NT5DC1: variants seen among roughly 807,000 people sequenced by gnomAD.
NT5DC1 encodes 5'-nucleotidase domain containing 1, also known as 5'-nucleotidase domain-containing protein 1.
Under a neutral mutation model 59.4 loss-of-function variants are expected in NT5DC1, and 42 were observed. The observed-to-expected ratio is 0.71, with a 90% CI of 0.55 to 0.92. The LOEUF is 0.92. Ranked by LOEUF, NT5DC1 falls within the 40% of genes least tolerant of loss-of-function variation. The pLI is 0.00. For missense variants in NT5DC1, 501 were observed against 537.1 expected, an observed-to-expected ratio of 0.93 and a Z score of 0.66; for synonymous variants, 172 against 188.1, an observed-to-expected ratio of 0.91 and a Z score of 0.70.
intron 6 of NT5DC1, among the ~76,000 whole-genome samples, chr6:116,152,017 G>A (rs1195104632): frequency 6.6e-6 from 1 of 152,160 alleles, no homozygotes; most frequent in Non-Finnish European, 1.5e-5. Flanking sequence ...TGACTAAGAT[G>A]CAGGATTATA....
At chr6:116,202,455 A>AT (rs1464971019) in intron 6 of NT5DC1, among the ~76,000 whole-genome samples, 1 of 152,000 alleles carries the variant, frequency 6.6e-6, no homozygotes, top group African/African-American at 2.4e-5. Flanking sequence ...CAATGATCCC[A>AT]TATGTTCTTG....
At position 116,141,220 on chromosome 6, in the gene NT5DC1, C is replaced by T. The variant is rs190623651; in HGVS notation, c.529+23275C>T. Among the ~76,000 whole-genome samples, 95 of 150,866 alleles carry T rather than the reference C, an allele frequency of 6.3e-4. No individual in the cohort carries two copies. In the Middle Eastern group the frequency reaches 0.01, roughly 17 times the overall value. On this transcript the variant is annotated intron_variant, in intron 6 of 11. Coordinates refer to ENST00000319550, the MANE Select transcript of NT5DC1 (RefSeq NM_152729.3). ...GTTGATTGGCCATTTGTGTTTACTC[C>T]TCTCTCAAATACCTGATTGTACCTT...
intron 6 of NT5DC1, among the ~76,000 whole-genome samples, chr6:116,178,523 C>G (rs1025350118): frequency 6.6e-6 from 1 of 152,180 alleles, no homozygotes; most frequent in Non-Finnish European, 1.5e-5. Context: ...TAACCGACTT[C>G]CAGTCATTTG....
chr6:116,200,062 C>T (rs1049163394), intron 6 of NT5DC1, among the ~76,000 whole-genome samples: 1 of 151,758 alleles, frequency 6.6e-6, no homozygotes, highest in African/African-American at 2.4e-5. Context: ...CCAAATCATC[C>T]AGGTCAACAT....
chr6:116,124,830 A>G (rs941590555), intron 6 of NT5DC1, among the ~76,000 whole-genome samples: 1 of 152,244 alleles, frequency 6.6e-6, no homozygotes, highest in Non-Finnish European at 1.5e-5. Flanking sequence ...GGCAATTCTC[A>G]TAATTACATT....
chr6:116,217,210 T>C (rs555348279), intron 6 of NT5DC1, among the ~76,000 whole-genome samples: 36 of 152,322 alleles, frequency 2.4e-4, no homozygotes, highest in African/African-American at 8.7e-4. Flanking sequence ...CCCTATATCC[T>C]GTTTGGTGTA....
At chr6:116,182,222 A>AGTGTGTGTGTGTGTGTGTGTGTGTGT (rs35883565) in intron 6 of NT5DC1, among the ~76,000 whole-genome samples, 1 of 124,606 alleles carries the variant, frequency 8.0e-6, no homozygotes, top group African/African-American at 2.9e-5. Context: ...TTCCATGGAG[A>AGTGTGTGTGTGTGTGTGTGTGTGTGT]GTGTGTGTGT....
At position 116,244,064 on chromosome 6, in the gene NT5DC1, C is replaced by T; in HGVS notation, c.*40C>T. ...AAAATGAAGTGAAGACCCATATATGCAGTTAAAAAAAAGTTAATTTTCAAA... is the reference window on the plus strand; with the variant it reads ...AAAATGAAGTGAAGACCCATATATGTAGTTAAAAAAAAGTTAATTTTCAAA... On this transcript the variant is annotated 3_prime_UTR_variant, in exon 12 of 12. Transcript: ENST00000319550. The T allele has an allele frequency of 2.6e-6, 2 of 775,514 alleles. No homozygotes were observed. The highest frequency in any genetic ancestry group is 3.7e-5 in the South Asian group (2 of 54,428). The allele number at this position is 775,514 out of a possible 1,614,324, so 48.0% of individuals were successfully genotyped here.
At chr6:116,181,702 A>G (rs1053422375) in intron 6 of NT5DC1, among the ~76,000 whole-genome samples, 2 of 152,056 alleles carry the variant, frequency 1.3e-5, no homozygotes, top group South Asian at 2.1e-4. Flanking sequence ...AACAAAACCT[A>G]TTGCAAGCTT....
chr6:116,230,774 T>C (rs1345513924), intron 8 of NT5DC1, among the ~76,000 whole-genome samples: 1 of 152,214 alleles, frequency 6.6e-6, no homozygotes, highest in East Asian at 1.9e-4. Flanking sequence ...TGCTTTCACT[T>C]GGCTACAGTT....
Position 116,167,946 on chromosome 6 carries a change from T to C in NT5DC1, c.529+50001T>C, listed in dbSNP as rs769952359. The stretch of plus-strand genomic sequence containing the variant: ...AGGTTAATGGTTATTTTCTGCACTA[T>C]AGTCTAGTTTCTATTGTTTATGTTG... On this transcript the variant is annotated intron_variant, in intron 6 of 11. Coordinates refer to ENST00000319550, the MANE Select transcript of NT5DC1 (RefSeq NM_152729.3). Among the ~76,000 whole-genome samples the C allele has an allele frequency of 4.3e-4, 65 of 152,098 alleles. 1 individual carries two copies. Among genetic ancestry groups the C allele is most frequent in the Non-Finnish European group, 1.0e-4 (7 of 68,018 alleles).
chr6:116,234,422 CCT>C (rs941930687), intron 8 of NT5DC1, among the ~76,000 whole-genome samples: 1 of 152,006 alleles, frequency 6.6e-6, no homozygotes, highest in Non-Finnish European at 1.5e-5. Flanking sequence ...CTCACTGAAA[CCT>C]CTTTCTCCGG....
intron 6 of NT5DC1, among the ~76,000 whole-genome samples, chr6:116,167,941 C>G (rs1780511571): frequency 6.6e-6 from 1 of 152,226 alleles, no homozygotes; most frequent in African/African-American, 2.4e-5. Flanking sequence ...TTATTTTCTG[C>G]ACTATAGTCT....
intron 1 of NT5DC1, among the ~76,000 whole-genome samples, chr6:116,104,306 C>T (rs1778723020): frequency 6.6e-6 from 1 of 152,230 alleles, no homozygotes; most frequent in African/African-American, 2.4e-5. Context: ...GTAAGGAACA[C>T]AGCTGTTGCT....
chr6:116,183,675 G>A (rs1180351552), intron 6 of NT5DC1, among the ~76,000 whole-genome samples: 1 of 151,576 alleles, frequency 6.6e-6, no homozygotes, highest in Non-Finnish European at 1.5e-5. Context: ...TATAAAAGGG[G>A]TTGAGTTCTT....
intron 6 of NT5DC1, among the ~76,000 whole-genome samples, chr6:116,199,997 AGTG>A (rs1781311895): frequency 8.4e-6 from 1 of 119,600 alleles, no homozygotes; most frequent in Admixed American, 8.9e-5. Flanking sequence ...CAGTATGGAA[AGTG>A]GGGGGGGAAG....
chr6:116,157,430 G>C (rs1340355448), intron 6 of NT5DC1, among the ~76,000 whole-genome samples: 1 of 152,142 alleles, frequency 6.6e-6, no homozygotes, highest in Non-Finnish European at 1.5e-5. Flanking sequence ...TATGGGGACA[G>C]GTTCAAAGAG....
At chr6:116,109,683 CT>C (rs1487273469) in intron 3 of NT5DC1, among the ~76,000 whole-genome samples, 1 of 152,156 alleles carries the variant, frequency 6.6e-6, no homozygotes, top group Non-Finnish European at 1.5e-5. Flanking sequence ...ATTCAGGATT[CT>C]TTGATCTTTA....
intron 1 of NT5DC1, among the ~76,000 whole-genome samples, chr6:116,103,333 C>A (rs898205762): frequency 1.3e-5 from 2 of 152,080 alleles, no homozygotes; most frequent in Admixed American, 1.3e-4. Context: ...ACTGTTTAAT[C>A]ACTTAACAGT....
Sources: allele counts gnomAD v4.1 joint callset (sites outside exome capture counted in the v4.1 genomes callset), GRCh38; gene constraint gnomAD v4.1.1; transcripts MANE v1.5; gene names NCBI Gene and HGNC (gene_info 2026-07-23, HGNC 2026-07-21).